Variants in MED12L observed in about 807,000 individuals in gnomAD.
MED12L encodes mediator of RNA polymerase II transcription subunit 12-like protein.
A neutral mutation model predicts 281.3 loss-of-function variants in MED12L; 60 were observed. The observed-to-expected ratio is 0.21, with a 90% CI of 0.17 to 0.26. MED12L has a LOEUF of 0.26. Among genes scored for constraint, MED12L ranks in the 10% least tolerant of loss-of-function variants. MED12L has a pLI of 1.00. For missense variants in MED12L, 2,146 were observed against 2,680.9 expected (o/e 0.80, Z 4.41); for synonymous variants, 974 against 987.2 (o/e 0.99, Z 0.25).
chr3:151,091,082 A>G (rs1719986534), intron 2 of MED12L, among the ~76,000 whole-genome samples: 2 of 152,160 alleles, frequency 1.3e-5, no homozygotes, highest in Non-Finnish European at 2.9e-5. Context: ...CAACAGAAAA[A>G]GAGGCCGAAA....
At position 151,368,586 on chromosome 3, in the gene MED12L, A is replaced by ATTTATTTTATTTTAT. The variant is rs71637017; in HGVS notation, c.3550+368_3550+382dup. ...ATCACAGCAGCTTAGGGCAATGGTG[A>ATTTATTTTATTTTAT]TTTATTTTATTTTATTTTATTTTAT... On this transcript the variant is annotated intron_variant, in intron 25 of 44. Transcript: ENST00000687756. Among the ~76,000 whole-genome samples the ATTTATTTTATTTTAT allele has an allele frequency of 7.5e-4, 91 of 120,766 alleles. 3 individuals carry two copies. The highest frequency in any genetic ancestry group is 1.5e-3 in the East Asian group (6 of 4,036). 79.2% of individuals were successfully genotyped at this position (120,766 alleles called of 152,430 possible). A position where few individuals can be genotyped will look rare whatever the true frequency, so the allele number is the denominator to read the frequency against.
At chr3:151,144,135 G>A (rs539268756) in intron 5 of MED12L, among the ~76,000 whole-genome samples, 1 of 152,304 alleles carries the variant, frequency 6.6e-6, no homozygotes, top group East Asian at 1.9e-4. Context: ...TAGCTGTGGG[G>A]GAAGCTGGTG....
At chr3:151,204,941 G>A (rs975828428) in intron 16 of MED12L, among the ~76,000 whole-genome samples, 2 of 152,214 alleles carry the variant, frequency 1.3e-5, no homozygotes, top group African/African-American at 2.4e-5. Context: ...ATTGCCAAAT[G>A]TGAAAGCACT....
At chr3:151,144,794 A>G (rs1717541771) in intron 5 of MED12L, among the ~76,000 whole-genome samples, 1 of 152,014 alleles carries the variant, frequency 6.6e-6, no homozygotes, top group African/African-American at 2.4e-5. Flanking sequence ...TCCCAGGAAC[A>G]TCCCAGAGGA....
At chr3:151,171,367 G>T (rs935936371) in intron 11 of MED12L, among the ~76,000 whole-genome samples, 1 of 152,122 alleles carries the variant, frequency 6.6e-6, no homozygotes, top group Non-Finnish European at 1.5e-5. Context: ...TGAGCACGGA[G>T]GCAGCTGCAT....
intron 16 of MED12L, among the ~76,000 whole-genome samples, chr3:151,272,058 A>T (rs990628078): frequency 1.3e-5 from 2 of 152,226 alleles, no homozygotes; most frequent in Non-Finnish European, 2.9e-5. Context: ...AGCAATACAG[A>T]TGTTGAGCAT....
chr3:151,111,290 T>C (rs1711845890), intron 2 of MED12L, among the ~76,000 whole-genome samples: 1 of 152,232 alleles, frequency 6.6e-6, no homozygotes, highest in Non-Finnish European at 1.5e-5. Flanking sequence ...GGTTTGATGG[T>C]TGGGAGCATA....
At chr3:151,141,241 C>T (rs1235600574) in intron 5 of MED12L, among the ~76,000 whole-genome samples, 1 of 135,656 alleles carries the variant, frequency 7.4e-6, no homozygotes. Flanking sequence ...CCAGGCTGGT[C>T]TCGAAATCCT....
At chr3:151,410,085 A>G (rs1277555414) in intron 40 of MED12L, among the ~76,000 whole-genome samples, 1 of 152,196 alleles carries the variant, frequency 6.6e-6, no homozygotes, top group East Asian at 1.9e-4. Context: ...GCTGTGTGAC[A>G]TTGTGTGAGT....
At chr3:151,239,794 A>T (rs1733711108) in intron 16 of MED12L, among the ~76,000 whole-genome samples, 1 of 152,080 alleles carries the variant, frequency 6.6e-6, no homozygotes, top group Non-Finnish European at 1.5e-5. Context: ...TTGTTTTAGC[A>T]CTCCAGCTCT....
intron 2 of MED12L, among the ~76,000 whole-genome samples, chr3:151,108,524 A>T (rs552254275): frequency 6.6e-6 from 1 of 152,268 alleles, no homozygotes; most frequent in East Asian, 1.9e-4. Flanking sequence ...GGAGAGGTGG[A>T]CAAGGCTAGG....
chr3:151,270,326 T>C (rs541313091), intron 16 of MED12L, among the ~76,000 whole-genome samples: 2 of 151,798 alleles, frequency 1.3e-5, no homozygotes, highest in East Asian at 3.9e-4. Context: ...GGAAAATAAC[T>C]TGAGCAGAAT....
intron 32 of MED12L, among the ~76,000 whole-genome samples, chr3:151,382,442 A>G (rs527241159): frequency 1.3e-5 from 2 of 152,300 alleles, no homozygotes; most frequent in Non-Finnish European, 2.9e-5. Context: ...ATAATTATAT[A>G]AGATTTTCTT....
intron 16 of MED12L, among the ~76,000 whole-genome samples, chr3:151,282,762 C>T (rs754179248): frequency 9.2e-5 from 14 of 152,136 alleles, no homozygotes; most frequent in African/African-American, 1.7e-4. Flanking sequence ...CAAAATGTCA[C>T]GCTCAGGACT....
chr3:151,301,114 G>A (rs927912300), intron 16 of MED12L, among the ~76,000 whole-genome samples: 1 of 152,170 alleles, frequency 6.6e-6, no homozygotes, highest in African/African-American at 2.4e-5. Flanking sequence ...TGCAGCATAG[G>A]CAATGATTAA....
At chr3:151,164,321 G>A (rs1720407483) in intron 9 of MED12L, among the ~76,000 whole-genome samples, 1 of 152,176 alleles carries the variant, frequency 6.6e-6, no homozygotes, top group South Asian at 2.1e-4. Flanking sequence ...ACATGACCAT[G>A]ACTCCTGTAG....
At chr3:151,197,193 C>T (rs934423193) in intron 16 of MED12L, among the ~76,000 whole-genome samples, 3 of 152,126 alleles carry the variant, frequency 2.0e-5, no homozygotes, top group African/African-American at 7.2e-5. Flanking sequence ...GACAGAGTCT[C>T]GCTCTTTTTG....
At chr3:151,305,918 A>T (rs1249753723) in intron 16 of MED12L, among the ~76,000 whole-genome samples, 1 of 152,090 alleles carries the variant, frequency 6.6e-6, no homozygotes, top group Non-Finnish European at 1.5e-5. Context: ...AGATGAGAAG[A>T]TTTGCTAGCA....
chr3:151,104,081 C>T (rs527692242), intron 2 of MED12L, among the ~76,000 whole-genome samples: 5 of 152,092 alleles, frequency 3.3e-5, no homozygotes, highest in Admixed American at 1.3e-4. Context: ...AGCTCATATC[C>T]TTTTGGTTTT....
Sources: gnomAD v4.1 joint callset for allele counts (sites outside exome capture counted in the v4.1 genomes callset) on GRCh38, gnomAD v4.1.1 for gene constraint, MANE v1.5 for transcripts, NCBI Gene and HGNC (gene_info 2026-07-23, HGNC 2026-07-21) for gene names.